The following TENM3 variants were observed in gnomAD, a reference collection of about 807,000 sequenced individuals.
The protein encoded by TENM3 is teneurin-3.
In TENM3, 63 loss-of-function variants were observed where a neutral mutation model predicts 255.1. The observed-to-expected ratio is 0.25, with a 90% confidence interval of 0.20 to 0.30. TENM3 has a LOEUF of 0.30. TENM3 is among the 10% of genes least tolerant of loss of function. TENM3 has a pLI of 1.00. For missense variants in TENM3, 2,929 were observed against 3,461.1 expected (o/e 0.85, Z 3.86); for synonymous variants, 1,306 against 1,322.3 (o/e 0.99, Z 0.27).
In TENM3 at chr4:182,410,702, G is replaced by A. The variant is rs190094585; in HGVS notation, c.511+63773G>A. Among the ~76,000 whole-genome samples the A allele has an allele frequency of 3.7e-3, 560 of 152,128 alleles. 9 individuals carry two copies. The highest frequency in any genetic ancestry group is 0.028 in the South Asian group (136 of 4,814). On this transcript the variant is annotated intron_variant, in intron 3 of 27. Coordinates refer to ENST00000511685, the MANE Select transcript of TENM3 (RefSeq NM_001080477.4). ...CAGAGCAAGACAAAGATGAGAAATC[G>A]TCTTAACCACGAGGACCACAGATGA... is the stretch of plus-strand genomic sequence containing the variant.
the TENM3 span, among the ~76,000 whole-genome samples, chr4:181,687,414 T>C: frequency 1.3e-5 from 2 of 152,202 alleles, no homozygotes; most frequent in Non-Finnish European, 2.9e-5. Flanking sequence ...TGTAGTTGTT[T>C]TCTTTTGTTC....
At chr4:181,595,663 C>T in the TENM3 span, among the ~76,000 whole-genome samples, 62 of 152,196 alleles carry the variant, frequency 4.1e-4, no homozygotes, top group African/African-American at 1.3e-3. Context: ...TGGTTTAAAA[C>T]GCCCTACAAG....
At chr4:181,987,986 C>T in the TENM3 span, among the ~76,000 whole-genome samples, 321 of 151,692 alleles carry the variant, frequency 2.1e-3, 1 homozygote, top group Middle Eastern at 0.014. Flanking sequence ...TGGGTAGGTT[C>T]GTAATTAAGT....
At chr4:182,444,748 A>T (rs1009412121) in intron 3 of TENM3, among the ~76,000 whole-genome samples, 5 of 152,134 alleles carry the variant, frequency 3.3e-5, no homozygotes, top group African/African-American at 1.2e-4. Flanking sequence ...GGTGGGGCTT[A>T]TCCTGATAAA....
At chr4:181,701,368 G>T in the TENM3 span, among the ~76,000 whole-genome samples, 1 of 152,312 alleles carries the variant, frequency 6.6e-6, no homozygotes, top group South Asian at 2.1e-4. Flanking sequence ...TGTTTAGCTT[G>T]CAGGCAGCAA....
the TENM3 span, among the ~76,000 whole-genome samples, chr4:181,550,774 T>TA: frequency 6.6e-6 from 1 of 151,848 alleles, no homozygotes; most frequent in Admixed American, 6.6e-5. Flanking sequence ...TTATAGCAAA[T>TA]AAAAAAAAAT....
Position 182,730,920 on chromosome 4 carries a change from A to T in TENM3, c.2748A>T (p.Val916=), listed in dbSNP as rs1272997865. 1 of 1,613,916 alleles carries T rather than the reference A, an allele frequency of 6.2e-7. No individual in the cohort carries two copies. Among genetic ancestry groups the T allele is most frequent in the South Asian group, 1.1e-5 (1 of 91,072 alleles). ...ATGGTGGGGCCTCTCTAACTTTGGT[A>T]TTTGAACGATCCCCATTCCTCACTC... The part of the protein sequence containing the change: ...VANGGASLTL[V]FERSPFLTQY... Residue 916 remains valine (V), a synonymous_variant, in exon 16 of 28, where the codon GTA becomes GTT. Transcript: ENST00000511685.
chr4:181,786,392 GA>G, the TENM3 span, among the ~76,000 whole-genome samples: 1 of 152,174 alleles, frequency 6.6e-6, no homozygotes, highest in African/African-American at 2.4e-5. Context: ...TATGAGCTCA[GA>G]GGGGGGCCAG....
At chr4:182,041,647 T>C in the TENM3 span, among the ~76,000 whole-genome samples, 6 of 152,346 alleles carry the variant, frequency 3.9e-5, no homozygotes, top group African/African-American at 9.6e-5. Context: ...TTATGTGTTT[T>C]ATTTATTTTA....
chr4:182,621,773 T>TA (rs1750267232), intron 4 of TENM3, among the ~76,000 whole-genome samples: 1 of 61,134 alleles, frequency 1.6e-5, no homozygotes, highest in Non-Finnish European at 3.1e-5. Flanking sequence ...TAATTATATA[T>TA]TATATATAAT....
In TENM3 at chr4:182,799,800, G is replaced by A. The variant is rs1451153443; in HGVS notation, c.7549G>A (p.Ala2517Thr). The change falls in exon 28 of 28, where the codon GCC becomes ACC. Residue 2517 changes from alanine to threonine, a missense_variant. Around this residue, in one of 6 missense-constraint regions of TENM3, gnomAD observed 476 missense variants for 480.1 expected, o/e 0.99. Coordinates refer to ENST00000511685, the MANE Select transcript of TENM3 (RefSeq NM_001080477.4). The surrounding 1 kb of genome is among the most constrained non-coding windows in gnomAD (Gnocchi z 4.2). ...CGTGCAGACCAACGTGCTCAACATC[G>A]CCAACGAGGACTGCATCAAGGTGGC... is the stretch of plus-strand genomic sequence containing the variant. ...GRVQTNVLNI[A>T]NEDCIKVAAV... 1.9e-6 allele frequency: 3 copies of A among 1,605,810 alleles called. No individual in the cohort carries two copies. The highest frequency in any genetic ancestry group is 1.3e-5 in the African/African-American group (1 of 74,870).
chr4:181,797,052 A>C, the TENM3 span, among the ~76,000 whole-genome samples: 1 of 151,994 alleles, frequency 6.6e-6, no homozygotes, highest in Non-Finnish European at 1.5e-5. Flanking sequence ...TCCAGGGCCC[A>C]TGTGGTGCCC....
intron 3 of TENM3, among the ~76,000 whole-genome samples, chr4:182,373,968 C>A (rs1767012747): frequency 6.6e-6 from 1 of 152,062 alleles, no homozygotes; most frequent in South Asian, 2.1e-4. Context: ...ACAAACACAG[C>A]CAAGGCATTG....
intron 1 of TENM3, among the ~76,000 whole-genome samples, chr4:182,227,887 G>A (rs570393853): frequency 6.6e-6 from 1 of 152,156 alleles, no homozygotes; most frequent in South Asian, 2.1e-4. Flanking sequence ...CATGAGAATG[G>A]GTGGAGCGGC....
intron 1 of TENM3, among the ~76,000 whole-genome samples, chr4:182,204,837 T>C (rs1296828162): frequency 6.6e-6 from 1 of 152,242 alleles, no homozygotes; most frequent in Admixed American, 6.5e-5. Flanking sequence ...AGCTTTACTC[T>C]TTCTATATAC....
At chr4:182,731,697 GTGTGTGTGTGTGTGTGTGTGTGTGTGTGT>G (rs1760737480) in intron 16 of TENM3, among the ~76,000 whole-genome samples, 1 of 76,510 alleles carries the variant, frequency 1.3e-5, no homozygotes, top group Non-Finnish European at 3.0e-5. Context: ...GTGTTGGGGT[GTGTGTGTGTGTGTGTGTGTGTGTGTGTGT>G]GTGTGTGTGT....
chr4:182,106,138 G>A, the TENM3 span, among the ~76,000 whole-genome samples: 23 of 152,232 alleles, frequency 1.5e-4, no homozygotes, highest in African/African-American at 5.5e-4. Context: ...TTACCACCAG[G>A]GCAAAGGCCA....
chr4:181,520,559 C>A, the TENM3 span, among the ~76,000 whole-genome samples: 1 of 151,908 alleles, frequency 6.6e-6, no homozygotes, highest in Admixed American at 6.6e-5. Flanking sequence ...AACAAAAAAA[C>A]CTCTAGTTTT....
the TENM3 span, among the ~76,000 whole-genome samples, chr4:182,033,715 G>C: frequency 1.3e-5 from 2 of 152,116 alleles, no homozygotes; most frequent in Admixed American, 1.3e-4. Context: ...GAAGCTGGGT[G>C]CTTTTGTATT....
Sources: gnomAD v4.1 joint callset for allele counts (sites outside exome capture counted in the v4.1 genomes callset) on GRCh38, gnomAD v4.1.1 for gene constraint, gnomAD v4.1.1 regional missense constraint, Gnocchi (gnomAD v3.1) non-coding constraint, MANE v1.5 for transcripts, NCBI Gene and HGNC (gene_info 2026-07-23, HGNC 2026-07-21) for gene names.